The following SLC35F1 variants were observed in gnomAD, a reference collection of about 807,000 sequenced individuals.
SLC35F1 encodes solute carrier family 35 member F1, also known as chromosome 6 open reading frame 169.
In SLC35F1, 14 loss-of-function variants were observed where a neutral mutation model predicts 48.7. The ratio of observed to expected loss-of-function variants is 0.29; its 90% CI spans 0.19 to 0.45. The LOEUF (loss-of-function observed/expected upper bound fraction) is 0.45, where lower values mean the gene tolerates loss of function less well. Among genes scored for constraint, SLC35F1 ranks in the 20% least tolerant of loss-of-function variants. The pLI is 1.00. For missense variants in SLC35F1, 404 were observed against 500.0 expected, an observed-to-expected ratio of 0.81 and a Z score of 1.83; for synonymous variants, 190 against 202.2, an observed-to-expected ratio of 0.94 and a Z score of 0.51.
chr6:118,235,630 T>C lies in SLC35F1; in HGVS notation c.471T>C (p.Ser157=). The change falls in exon 3 of 8, where the codon AGT becomes AGC. Residue 157 remains serine (S), a synonymous_variant. Coordinates refer to ENST00000360388, the MANE Select transcript of SLC35F1 (RefSeq NM_001029858.4). ...VKAYQYTTLT[S]IQLLDCFVIP... ...CTTACCAATACACAACTCTGACCAG[T>C]ATCCAGGTACCCATGGTTCTTCTTC... 1 of 1,612,074 alleles carries C rather than the reference T, an allele frequency of 6.2e-7. No individual in the cohort carries two copies. Among genetic ancestry groups the C allele is most frequent in the South Asian group, 1.1e-5 (1 of 90,722 alleles).
rs1177561514 is a variant in SLC35F1 at position 118,001,758 on chromosome 6, AAAAC to A, written c.173+93866_173+93869del. On this transcript the variant is annotated intron_variant, in intron 1 of 7. Transcript: ENST00000360388. ...TGAACTCAAACAAATTTACAAGAAA[AAAAC>A]AAACAACCCCATCAAAAAGTGGGCG... Among the ~76,000 whole-genome samples, 125 of 152,292 alleles carry A rather than the reference AAAAC, an allele frequency of 8.2e-4. 1 individual carries two copies. The East Asian group carries it at 0.012, about 14-fold the overall frequency.
chr6:117,958,449 C>T (rs1776454822), intron 1 of SLC35F1, among the ~76,000 whole-genome samples: 1 of 152,156 alleles, frequency 6.6e-6, no homozygotes, highest in Non-Finnish European at 1.5e-5. Flanking sequence ...CACTGACTCA[C>T]CCAGAGAAAC....
At chr6:118,048,110 A>G (rs919991968) in intron 1 of SLC35F1, among the ~76,000 whole-genome samples, 29 of 152,120 alleles carry the variant, frequency 1.9e-4, no homozygotes, top group Non-Finnish European at 3.8e-4. Context: ...GATTTTTGTC[A>G]AAGGCCTTTT....
At chr6:117,923,524 T>C (rs1458475348) in intron 1 of SLC35F1, among the ~76,000 whole-genome samples, 1 of 145,818 alleles carries the variant, frequency 6.9e-6, no homozygotes, top group Non-Finnish European at 1.5e-5. Flanking sequence ...CATGTGTATA[T>C]ACACATATAT....
intron 7 of SLC35F1, among the ~76,000 whole-genome samples, chr6:118,290,793 C>T (rs1264343663): frequency 9.1e-6 from 1 of 110,170 alleles, no homozygotes; most frequent in Non-Finnish European, 2.0e-5. Context: ...CTCAGAAAAT[C>T]GACTATTTTT....
rs1401732215 is a variant in SLC35F1, at chr6:118,277,484, G to A, written c.795-10G>A. The A allele has an allele frequency of 2.7e-5, 44 of 1,613,388 alleles. No homozygotes were observed. The highest frequency in any genetic ancestry group is 3.7e-5 in the Non-Finnish European group (44 of 1,179,562). On this transcript the variant is annotated splice_polypyrimidine_tract_variant and intron_variant, in intron 5 of 7. Coordinates refer to ENST00000360388, the MANE Select transcript of SLC35F1 (RefSeq NM_001029858.4). ...CTTGCTCATCAGGTTCATTTCCTTT[G>A]AATTTGCAGAGCTATAATGGAGCAT...
intron 2 of SLC35F1, among the ~76,000 whole-genome samples, chr6:118,205,354 G>A (rs1275608522): frequency 1.3e-5 from 2 of 152,146 alleles, no homozygotes; most frequent in Non-Finnish European, 2.9e-5. Flanking sequence ...TACACGAATG[G>A]CCACTACGCA....
chr6:118,201,007 T>A (rs1774867432), intron 2 of SLC35F1, among the ~76,000 whole-genome samples: 1 of 152,122 alleles, frequency 6.6e-6, no homozygotes, highest in African/African-American at 2.4e-5. Context: ...CGCCTCAACC[T>A]CCTGAGCGAT....
At chr6:118,141,045 A>T (rs1267677727) in intron 1 of SLC35F1, among the ~76,000 whole-genome samples, 1 of 152,204 alleles carries the variant, frequency 6.6e-6, no homozygotes, top group Non-Finnish European at 1.5e-5. Flanking sequence ...AAAATATTTT[A>T]ACTAAATTTA....
chr6:118,092,002 G>A (rs563924661), intron 1 of SLC35F1, among the ~76,000 whole-genome samples: 54 of 152,240 alleles, frequency 3.5e-4, no homozygotes, highest in Middle Eastern at 3.4e-3. Context: ...TCTAAGTGGC[G>A]AAGCATTCAA....
At chr6:118,276,202 G>A (rs189820347) in intron 5 of SLC35F1, among the ~76,000 whole-genome samples, 11 of 152,266 alleles carry the variant, frequency 7.2e-5, no homozygotes, top group Admixed American at 3.9e-4. Flanking sequence ...CAACTGGAAC[G>A]TATAAGTCAT....
At chr6:118,245,417 G>A (rs190707742) in intron 3 of SLC35F1, among the ~76,000 whole-genome samples, 8 of 152,214 alleles carry the variant, frequency 5.3e-5, no homozygotes, top group East Asian at 1.9e-4. Context: ...GCCTGATGTC[G>A]GTCCTGTGCC....
intron 1 of SLC35F1, among the ~76,000 whole-genome samples, chr6:118,083,902 G>A (rs576389936): frequency 1.3e-5 from 2 of 152,290 alleles, no homozygotes; most frequent in South Asian, 4.1e-4. Context: ...TGAGGTTATT[G>A]AATGACATTC....
intron 1 of SLC35F1, among the ~76,000 whole-genome samples, chr6:117,919,203 G>A (rs568864245): frequency 5.9e-4 from 90 of 152,310 alleles, no homozygotes; most frequent in African/African-American, 2.0e-3. Flanking sequence ...GTGATGAGAT[G>A]TGACTTAGCA....
intron 1 of SLC35F1, among the ~76,000 whole-genome samples, chr6:117,960,692 A>C (rs1024935229): frequency 6.6e-6 from 1 of 152,120 alleles, no homozygotes; most frequent in Admixed American, 6.5e-5. Context: ...TCTCTGCAGA[A>C]GGAAAAGTTG....
chr6:118,152,515 G>C (rs958291285), intron 1 of SLC35F1, among the ~76,000 whole-genome samples: 1 of 152,202 alleles, frequency 6.6e-6, no homozygotes, highest in Non-Finnish European at 1.5e-5. Context: ...TGTTGGCATG[G>C]TTTGACTGGG....
intron 4 of SLC35F1, among the ~76,000 whole-genome samples, 175 bp from the exon 5 acceptor site, chr6:118,275,284 T>C (rs1775906636): frequency 6.6e-6 from 1 of 152,178 alleles, no homozygotes; most frequent in Non-Finnish European, 1.5e-5. Flanking sequence ...ACTTTTTATA[T>C]CAGAACGTGT....
chr6:118,080,399 T>A (rs184061097), intron 1 of SLC35F1, among the ~76,000 whole-genome samples: 32 of 152,332 alleles, frequency 2.1e-4, no homozygotes, highest in Admixed American at 2.0e-3. Flanking sequence ...TTCAGTGTCC[T>A]TCTATTAGTA....
chr6:118,192,844 G>A (rs111292538), intron 2 of SLC35F1, among the ~76,000 whole-genome samples: 1 of 151,990 alleles, frequency 6.6e-6, no homozygotes, highest in African/African-American at 2.4e-5. Context: ...CAAAGTTAGA[G>A]GTCAGAAAAG....
Sources: allele counts gnomAD v4.1 joint callset (sites outside exome capture counted in the v4.1 genomes callset), GRCh38; gene constraint gnomAD v4.1.1; transcripts MANE v1.5; gene names NCBI Gene and HGNC (gene_info 2026-07-23, HGNC 2026-07-21).